Variants in MARCHF11 observed in about 807,000 individuals in gnomAD.
MARCHF11 encodes membrane associated ring-CH-type finger 11.
MARCHF11 carries 29 observed loss-of-function variants against 37.3 expected under a neutral mutation model. That is an observed-to-expected ratio of 0.78 (90% CI 0.58 to 1.06). The LOEUF (loss-of-function observed/expected upper bound fraction) is 1.06, where lower values mean the gene tolerates loss of function less well. Among genes scored for constraint, MARCHF11 ranks in the 50% least tolerant of loss-of-function variants. The probability of loss-of-function intolerance (pLI) is 0.00; values close to 1 mark genes in which losing one functional copy is unlikely to be tolerated. For missense variants in MARCHF11, 482 were observed against 533.4 expected (o/e 0.90, Z 0.95); for synonymous variants, 233 against 228.0 (o/e 1.02, Z -0.20).
chr5:16,085,641 CTTATCAAA>C (rs1430365048), intron 3 of MARCHF11, among the ~76,000 whole-genome samples: 1 of 151,708 alleles, frequency 6.6e-6, no homozygotes, highest in African/African-American at 2.4e-5. Flanking sequence ...TGTAAAAGGA[CTTATCAAA>C]ATTTACATAA....
At chr5:16,077,357 CA>C (rs11372480) in intron 3 of MARCHF11, among the ~76,000 whole-genome samples, 2 of 149,094 alleles carry the variant, frequency 1.3e-5, no homozygotes, top group African/African-American at 2.5e-5. Context: ...TGCAAACTCA[CA>C]AAAAAAAACG....
At chr5:16,157,314 G>A (rs1737993747) in intron 2 of MARCHF11, among the ~76,000 whole-genome samples, 1 of 151,750 alleles carries the variant, frequency 6.6e-6, no homozygotes, top group Non-Finnish European at 1.5e-5. Flanking sequence ...AAAGTCCAAT[G>A]TCATTCTTCA....
At chr5:16,110,857 C>T (rs1280666571) in intron 2 of MARCHF11, among the ~76,000 whole-genome samples, 1 of 152,130 alleles carries the variant, frequency 6.6e-6, no homozygotes, top group African/African-American at 2.4e-5. Flanking sequence ...ATTGTAGCTC[C>T]CATAATCCCC....
At chr5:16,155,163 C>T (rs566192803) in intron 2 of MARCHF11, among the ~76,000 whole-genome samples, 3 of 151,926 alleles carry the variant, frequency 2.0e-5, no homozygotes, top group East Asian at 1.9e-4. Context: ...GCCATACACA[C>T]TAACTACTAG....
rs75096033 is a variant in MARCHF11, at chr5:16,095,322, G to A, written c.694-4241C>T. On this transcript the variant is annotated intron_variant, in intron 2 of 3. Transcript: ENST00000332432. ...TAAGCTTCAGCGGGGAGGGCTAAAT[G>A]TTTGCAAGGGGAGCTGCCCCTCTAA... Among the ~76,000 whole-genome samples, 738 of 152,212 alleles carry A rather than the reference G, an allele frequency of 4.8e-3. 6 individuals carry two copies. The highest frequency in any genetic ancestry group is 0.017 in the African/African-American group (688 of 41,520).
At chr5:16,087,146 T>G (rs1351908235) in intron 3 of MARCHF11, among the ~76,000 whole-genome samples, 1 of 152,246 alleles carries the variant, frequency 6.6e-6, no homozygotes, top group East Asian at 1.9e-4. Context: ...TATAATCTCT[T>G]TACATTCTAA....
intron 2 of MARCHF11, among the ~76,000 whole-genome samples, chr5:16,096,488 T>TA (rs1736870458): frequency 6.6e-6 from 1 of 152,238 alleles, no homozygotes; most frequent in South Asian, 2.1e-4. Context: ...TCTGAAAATG[T>TA]ACATGGCCCA....
intron 2 of MARCHF11, among the ~76,000 whole-genome samples, chr5:16,150,862 G>A (rs1178523739): frequency 6.6e-6 from 1 of 151,930 alleles, no homozygotes; most frequent in Non-Finnish European, 1.5e-5. Context: ...AGCTTCAAGA[G>A]AACATTGTGG....
chr5:16,124,351 A>C (rs1420525133), intron 2 of MARCHF11, among the ~76,000 whole-genome samples: 1 of 152,216 alleles, frequency 6.6e-6, no homozygotes, highest in South Asian at 2.1e-4. Context: ...ATTGTTGGAT[A>C]AACTTTTGAA....
intron 2 of MARCHF11, among the ~76,000 whole-genome samples, chr5:16,134,977 T>TTCTCTCTCTCTCTCTCTCTCTCTCTCTC (rs146251875): frequency 9.1e-5 from 13 of 143,086 alleles, no homozygotes; most frequent in African/African-American, 3.2e-4. Flanking sequence ...TATGAGTGAT[T>TTCTCTCTCTCTCTCTCTCTCTCTCTCTC]TCTCTCTCTC....
chr5:16,092,843 T>C (rs1277021139), intron 2 of MARCHF11, among the ~76,000 whole-genome samples: 1 of 152,244 alleles, frequency 6.6e-6, no homozygotes, highest in Non-Finnish European at 1.5e-5. Context: ...GTTTTGTTCC[T>C]AGTTTACTGA....
At chr5:16,174,612 C>T (rs1196428763) in intron 2 of MARCHF11, among the ~76,000 whole-genome samples, 2 of 152,246 alleles carry the variant, frequency 1.3e-5, no homozygotes, top group African/African-American at 4.8e-5. Context: ...GGAAATACAA[C>T]ACGGTAATAC....
At chr5:16,158,524 T>C (rs900840608) in intron 2 of MARCHF11, among the ~76,000 whole-genome samples, 15 of 151,892 alleles carry the variant, frequency 9.9e-5, no homozygotes, top group Non-Finnish European at 2.9e-5. Context: ...ATCTCACCTG[T>C]ATATGGAATC....
At chr5:16,093,825 G>T (rs1736822809) in intron 2 of MARCHF11, among the ~76,000 whole-genome samples, 1 of 152,130 alleles carries the variant, frequency 6.6e-6, no homozygotes, top group African/African-American at 2.4e-5. Flanking sequence ...TATCATCATA[G>T]AAATTATTTT....
chr5:16,141,959 G>C (rs1737714956), intron 2 of MARCHF11, among the ~76,000 whole-genome samples: 1 of 152,094 alleles, frequency 6.6e-6, no homozygotes, highest in African/African-American at 2.4e-5. Context: ...CATTTTTCTG[G>C]AAAATCACTT....
chr5:16,160,420 A>T (rs972469141), intron 2 of MARCHF11, among the ~76,000 whole-genome samples: 32 of 146,398 alleles, frequency 2.2e-4, no homozygotes, highest in Non-Finnish European at 4.1e-4. Flanking sequence ...ATAATTTTAT[A>T]TTTATAATAA....
intron 2 of MARCHF11, among the ~76,000 whole-genome samples, chr5:16,112,538 A>G (rs1239488849): frequency 2.0e-5 from 3 of 152,182 alleles, no homozygotes; most frequent in African/African-American, 7.2e-5. Context: ...CATTGTATCT[A>G]GGAAGTAACT....
intron 2 of MARCHF11, among the ~76,000 whole-genome samples, chr5:16,136,293 CT>C: frequency 6.6e-6 from 1 of 151,514 alleles, no homozygotes; most frequent in Non-Finnish European, 1.5e-5. Context: ...AAAAAAAAAA[CT>C]GATATGTAAC....
At chr5:16,073,790 T>C (rs996966450) in intron 3 of MARCHF11, among the ~76,000 whole-genome samples, 5 of 152,162 alleles carry the variant, frequency 3.3e-5, no homozygotes, top group East Asian at 1.9e-4. Flanking sequence ...TAATTATATA[T>C]GAGCATTTTG....
Sources: gnomAD v4.1 joint callset for allele counts (sites outside exome capture counted in the v4.1 genomes callset) on GRCh38, gnomAD v4.1.1 for gene constraint, MANE v1.5 for transcripts, NCBI Gene and HGNC (gene_info 2026-07-23, HGNC 2026-07-21) for gene names.